The following UTP20 variants were observed in gnomAD, a reference collection of about 807,000 sequenced individuals.
The protein encoded by UTP20 is UTP20 small subunit processome component.
UTP20 carries 164 observed loss-of-function variants against 329.5 expected under a neutral mutation model. The observed-to-expected ratio is 0.50, with a 90% CI of 0.44 to 0.57. The LOEUF is 0.57. UTP20 is among the 20% of genes least tolerant of loss of function. UTP20 has a pLI of 0.00. For synonymous variants in UTP20, 1,151 were observed against 1,159.3 expected (o/e 0.99, Z 0.14); for missense variants, 3,055 against 3,284.2 (o/e 0.93, Z 1.71).
At chr12:101,378,068 C>T (rs746097873) in intron 56 of UTP20, among the ~76,000 whole-genome samples, 1 of 152,066 alleles carries the variant, frequency 6.6e-6, no homozygotes, top group African/African-American at 2.4e-5. Context: ...TAAAAAATAA[C>T]TTCCTGAGTG....
chr12:101,335,976 G>A (rs1380199858), intron 29 of UTP20, among the ~76,000 whole-genome samples: 1 of 152,164 alleles, frequency 6.6e-6, no homozygotes, highest in African/African-American at 2.4e-5. Flanking sequence ...CTTTCATCCA[G>A]GAAGACTTTA....
chr12:101,311,738 GA>G lies in UTP20; in HGVS notation c.2255del (p.Asn752IlefsTer12). On this transcript the variant is annotated frameshift_variant, in exon 20 of 62. Transcript: ENST00000261637. LOFTEE classifies it high-confidence loss of function. Reference protein sequence around the residue: ...ELISSHAHEMENKQFWKVYYE... With the variant: ...ELISSHAHEMXNKQFWKVYYE... ...CCTTAGTTCTCATGCACACGAAATG[GA>G]AAATAAGCAATTTTGGAAAGTCTAC... The G allele has an allele frequency of 6.2e-7, 1 of 1,612,514 alleles. No homozygotes were observed. Among genetic ancestry groups the G allele is most frequent in the Non-Finnish European group, 8.5e-7 (1 of 1,179,660 alleles).
At chr12:101,383,795 T>A in intron 60 of UTP20, 126 bp downstream of exon 60, 1 of 375,172 alleles carries the variant, frequency 2.7e-6, no homozygotes, top group Non-Finnish European at 3.9e-6. Context: ...TATATATATA[T>A]TTTAATTATA....
intron 48 of UTP20, among the ~76,000 whole-genome samples, chr12:101,368,379 C>A (rs372758100): frequency 1.3e-5 from 2 of 152,066 alleles, no homozygotes. Flanking sequence ...ATGATCCACC[C>A]TCCTTGGCCT....
At chr12:101,311,678 C>T in intron 19 of UTP20, 41 bp from the exon 20 acceptor site, 1 of 1,537,212 alleles carries the variant, frequency 6.5e-7, no homozygotes. Flanking sequence ...TTAAAATGGC[C>T]ATACCACACT....
chr12:101,346,397 C>T lies in UTP20; in HGVS notation c.4747-54C>T, dbSNP rs575766959. 26 of 1,515,304 alleles carry T rather than the reference C, an allele frequency of 1.7e-5. No individual in the cohort carries two copies. The African/African-American group carries it at 3.5e-4, about 21-fold the overall frequency. 93.9% of individuals were successfully genotyped at this position (1,515,304 alleles called of 1,614,324 possible). Reference sequence around the variant, plus strand: ...AAGAGAATACGATACTAAAATGGAGCTGGTTGTAGGTGAGATTATTCGGTA... The same window carrying T: ...AAGAGAATACGATACTAAAATGGAGTTGGTTGTAGGTGAGATTATTCGGTA... On this transcript the variant is annotated intron_variant, in intron 37 of 61. Transcript: ENST00000261637.
chr12:101,356,503 A>G (rs145956958), intron 41 of UTP20, 51 bp from the exon 42 acceptor site: 8 of 1,485,958 alleles, frequency 5.4e-6, no homozygotes, highest in Admixed American at 4.3e-5. Flanking sequence ...GTGTTGGTAG[A>G]TCACTGATCC....
At chr12:101,373,119 C>G (rs1217335243) in intron 52 of UTP20, among the ~76,000 whole-genome samples, 156 bp downstream of exon 52, 2 of 152,130 alleles carry the variant, frequency 1.3e-5, no homozygotes, top group East Asian at 1.9e-4. Context: ...AGACATTGTG[C>G]TTGGCTTCAT....
intron 40 of UTP20, among the ~76,000 whole-genome samples, chr12:101,353,818 C>A (rs773282463): frequency 6.6e-6 from 1 of 152,128 alleles, no homozygotes; most frequent in Admixed American, 6.6e-5. Context: ...AATTAAAAAG[C>A]GTCACGATTA....
At chr12:101,285,039 C>T (rs1284573608) in intron 2 of UTP20, among the ~76,000 whole-genome samples, 1 of 152,126 alleles carries the variant, frequency 6.6e-6, no homozygotes, top group Non-Finnish European at 1.5e-5. Flanking sequence ...GCTATTCCAA[C>T]CATTTTCCTA....
At chr12:101,280,892 A>T (rs1247213789) in intron 1 of UTP20, among the ~76,000 whole-genome samples, 1 of 152,326 alleles carries the variant, frequency 6.6e-6, no homozygotes, top group African/African-American at 2.4e-5. Flanking sequence ...TGGCAATGGA[A>T]ATTTTATTTG....
Position 101,355,114 on chromosome 12 carries a change from C to T in UTP20, c.5390C>T (p.Ser1797Phe), listed in dbSNP as rs966475727. The T allele has an allele frequency of 1.6e-5, 25 of 1,611,826 alleles. No individual in the cohort carries two copies. Among genetic ancestry groups the T allele is most frequent in the Non-Finnish European group, 2.1e-5 (25 of 1,178,752 alleles). The change falls in exon 41 of 62, where the codon TCT becomes TTT. Residue 1797 changes from serine to phenylalanine, a missense_variant. Ser to Phe is a radical substitution (Grantham distance 155, BLOSUM62 -2). Coordinates refer to ENST00000261637, the MANE Select transcript of UTP20 (RefSeq NM_014503.3). ...CCCAGGCTACATAAATGCCTTGCAT[C>T]TACGGTAATAAATTTATTCGGGGTC... is the stretch of plus-strand genomic sequence containing the variant. ...ILPRLHKCLASTTKREEEHKL... is the reference protein window; with the variant it reads ...ILPRLHKCLAFTTKREEEHKL...
intron 25 of UTP20, among the ~76,000 whole-genome samples, chr12:101,323,778 T>C (rs1222430402): frequency 6.6e-6 from 1 of 152,206 alleles, no homozygotes; most frequent in Non-Finnish European, 1.5e-5. Flanking sequence ...GAAGTAAGGA[T>C]TAAACCTAAT....
chr12:101,360,889 C>A (rs1050697681), intron 43 of UTP20, among the ~76,000 whole-genome samples: 4 of 152,096 alleles, frequency 2.6e-5, no homozygotes, highest in African/African-American at 9.7e-5. Context: ...ACCCAATCTA[C>A]GTTTTGACAA....
intron 27 of UTP20, among the ~76,000 whole-genome samples, chr12:101,331,924 T>G (rs1417436637): frequency 6.6e-6 from 1 of 151,710 alleles, no homozygotes; most frequent in Non-Finnish European, 1.5e-5. Context: ...TAGGGAAAAA[T>G]CCCTTTGAGG....
chr12:101,293,692 T>C (rs1872246952), intron 11 of UTP20, among the ~76,000 whole-genome samples: 1 of 152,234 alleles, frequency 6.6e-6, no homozygotes, highest in South Asian at 2.1e-4. Flanking sequence ...GTATACATCA[T>C]GGAAACATAT....
At chr12:101,352,412 C>T (rs1053337665) in intron 39 of UTP20, among the ~76,000 whole-genome samples, 16 of 152,082 alleles carry the variant, frequency 1.1e-4, no homozygotes. Flanking sequence ...TGGGTATATA[C>T]CCAGTAATGG....
chr12:101,325,459 G>T (rs532564596), intron 25 of UTP20, among the ~76,000 whole-genome samples: 1 of 152,314 alleles, frequency 6.6e-6, no homozygotes, highest in East Asian at 1.9e-4. Context: ...ACAATGGTGG[G>T]TAAAACTCCT....
At chr12:101,357,413 A>G (rs1869759295) in intron 43 of UTP20, among the ~76,000 whole-genome samples, 1 of 152,202 alleles carries the variant, frequency 6.6e-6, no homozygotes, top group Non-Finnish European at 1.5e-5. Flanking sequence ...TGAATGATAA[A>G]GAACATACAC....
Sources: gnomAD v4.1 joint callset for allele counts (sites outside exome capture counted in the v4.1 genomes callset) on GRCh38, gnomAD v4.1.1 for gene constraint, MANE v1.5 for transcripts, NCBI Gene and HGNC (gene_info 2026-07-23, HGNC 2026-07-21) for gene names.